The following DHX32 variants were observed in gnomAD, a reference collection of about 807,000 sequenced individuals.
DHX32 encodes putative pre-mRNA-splicing factor ATP-dependent RNA helicase DHX32.
DHX32 carries 51 observed loss-of-function variants against 70.0 expected under a neutral mutation model. That is an observed-to-expected ratio of 0.73 (90% CI 0.58 to 0.92). The LOEUF is 0.92. DHX32 is among the 40% of genes least tolerant of loss of function. The pLI, the probability that DHX32 is intolerant of heterozygous loss-of-function variation, is 0.00. For missense variants in DHX32, 762 were observed against 891.8 expected (o/e 0.85, Z 1.85); for synonymous variants, 310 against 315.3 (o/e 0.98, Z 0.18).
chr10:125,848,498 T>G (rs1211007828), intron 6 of DHX32, among the ~76,000 whole-genome samples: 1 of 152,086 alleles, frequency 6.6e-6, no homozygotes. Flanking sequence ...ATATGTAAAG[T>G]GAGGTTTTGA....
chr10:125,838,874 T>C (rs549994294), intron 9 of DHX32, 127 bp downstream of exon 9: 15 of 1,134,804 alleles, frequency 1.3e-5, no homozygotes, highest in Non-Finnish European at 1.7e-5. Context: ...ACCAAATCTT[T>C]AATAATAACA....
chr10:125,849,253 A>G (rs1397770856), intron 6 of DHX32, among the ~76,000 whole-genome samples: 1 of 152,234 alleles, frequency 6.6e-6, no homozygotes. Context: ...TTCCGCCTGC[A>G]CTGTTGCACG....
At chr10:125,838,522 A>G (rs1295412749) in intron 9 of DHX32, 135 bp from the exon 10 acceptor site, 12 of 834,406 alleles carry the variant, frequency 1.4e-5, no homozygotes, top group Non-Finnish European at 2.1e-5. Context: ...CATGTTTCCT[A>G]CTTTCACATG....
chr10:125,836,727 T>G lies in DHX32; in HGVS notation c.2192A>C (p.Glu731Ala), dbSNP rs1305856161. 3 of 1,614,106 alleles carry G rather than the reference T, an allele frequency of 1.9e-6. No individual in the cohort carries two copies. The African/African-American group carries it at 4.0e-5, about 22-fold the overall frequency. ...STMNKEQQMC[E>A]TCPETEQRCT... ...TCTCTGTTCAGTTTCAGGGCACGTC[T>G]CACACATTTGCTGTTCCTTATTCAT... Residue 731 changes from glutamate to alanine, a missense_variant, in exon 11 of 11, where the codon GAG (glutamate) becomes GCG (alanine). Glu to Ala is a moderately radical substitution (Grantham distance 107). Transcript: ENST00000284690.
rs1286408585 is a variant in DHX32 at position 125,838,391 on chromosome 10, A to C, written c.1882-4T>G. On this transcript the variant is annotated splice_polypyrimidine_tract_variant and splice_region_variant and intron_variant, in intron 9 of 10. Coordinates refer to ENST00000284690, the MANE Select transcript of DHX32 (RefSeq NM_018180.3). ...ATCCATCAACATCCCGAGCAATCTG[A>C]AAGGCAGAATTTTAAAGAAAAAAGA... 1 of 1,561,016 alleles carries C rather than the reference A, an allele frequency of 6.4e-7. No individual in the cohort carries two copies. Among genetic ancestry groups the C allele is most frequent in the Middle Eastern group, 1.7e-4 (1 of 5,846 alleles).
chr10:125,854,275 A>C, intron 3 of DHX32, 72 bp from the exon 4 acceptor site: 1 of 1,460,138 alleles, frequency 6.8e-7, no homozygotes, highest in Non-Finnish European at 9.0e-7. Flanking sequence ...TGTCTGAATT[A>C]CAAAAAATTT....
At chr10:125,849,831 C>T (rs978973763) in intron 6 of DHX32, among the ~76,000 whole-genome samples, 10 of 152,150 alleles carry the variant, frequency 6.6e-5, no homozygotes, top group African/African-American at 2.2e-4. Context: ...TACAAACAAG[C>T]GCATATACTT....
At chr10:125,855,202 CAG>C (rs969814674) in intron 3 of DHX32, among the ~76,000 whole-genome samples, 3 of 141,224 alleles carry the variant, frequency 2.1e-5, no homozygotes, top group Non-Finnish European at 4.6e-5. Flanking sequence ...AGCCTGGCAA[CAG>C]AGTGAGACTC....
At chr10:125,878,481 A>C (rs1177270965) in intron 1 of DHX32, among the ~76,000 whole-genome samples, 5 of 151,594 alleles carry the variant, frequency 3.3e-5, no homozygotes, top group East Asian at 2.0e-4. Flanking sequence ...ATTTAAGCCC[A>C]AAATTTAAAT....
At chr10:125,895,909 C>T (rs1452427458) in intron 1 of DHX32, among the ~76,000 whole-genome samples, 5 of 152,308 alleles carry the variant, frequency 3.3e-5, no homozygotes, top group Non-Finnish European at 7.3e-5. Flanking sequence ...CGCATTGCTC[C>T]ACGCTTCCCG....
rs776142986 is a variant in DHX32 at position 125,840,985 on chromosome 10, A to C, written c.1555T>G (p.Phe519Val). The change falls in exon 8 of 11, where the codon TTT becomes GTT. Residue 519 changes from phenylalanine to valine, a missense_variant. Phe to Val is a conservative substitution (Grantham distance 50, BLOSUM62 -1). Coordinates refer to ENST00000284690, the MANE Select transcript of DHX32 (RefSeq NM_018180.3). ...TCAGCTCCATGTGGCACATGTGAAA[A>C]GCAATTTGGAGCTTCAAAATGAAAA... ...IAAMVTAPNCFSHVPHGAEEA... is the reference protein window; with the variant it reads ...IAAMVTAPNCVSHVPHGAEEA... 1 of 1,596,250 alleles carries C rather than the reference A, an allele frequency of 6.3e-7. No homozygotes were observed. The highest frequency in any genetic ancestry group is 1.8e-5 in the Admixed American group (1 of 56,942).
intron 6 of DHX32, among the ~76,000 whole-genome samples, chr10:125,850,191 G>A (rs1241548285): frequency 2.0e-5 from 3 of 151,068 alleles, no homozygotes; most frequent in African/African-American, 7.3e-5. Context: ...TGCCCAGGCT[G>A]GTCTTGAATT....
intron 1 of DHX32, among the ~76,000 whole-genome samples, chr10:125,868,142 T>C (rs1352635742): frequency 1.3e-5 from 2 of 152,238 alleles, no homozygotes; most frequent in East Asian, 3.8e-4. Context: ...GCAAAGCTAC[T>C]CTAGAGCCAT....
intron 1 of DHX32, among the ~76,000 whole-genome samples, chr10:125,871,923 C>T (rs551034781): frequency 1.3e-5 from 2 of 148,570 alleles, no homozygotes; most frequent in African/African-American, 2.5e-5. Flanking sequence ...AGTGCAATGG[C>T]AGGATCTTGG....
In DHX32 at chr10:125,859,821, G is replaced by T. The variant is rs773742344; in HGVS notation, c.631C>A (p.Leu211Met). 6.2e-7 allele frequency: 1 copy of T among 1,614,096 alleles called. No homozygotes were observed. The highest frequency in any genetic ancestry group is 8.5e-7 in the Non-Finnish European group (1 of 1,180,022). ...LKDVLLARPE[L>M]KLIINSSPHL... ...GGTGAGGAGTTAATTATGAGCTTCA[G>T]TTCTGGTCTTGCTAGTAAAACATCT... Residue 211 changes from leucine to methionine, a missense_variant, in exon 3 of 11, where the codon CTG becomes ATG. Transcript: ENST00000284690.
upstream of DHX32, among the ~76,000 whole-genome samples, chr10:125,885,753 T>C (rs1944337643): frequency 6.6e-6 from 1 of 152,200 alleles, no homozygotes; most frequent in Non-Finnish European, 1.5e-5. Context: ...TATTCAATCA[T>C]GTCAGTTCTG....
At position 125,836,797 on chromosome 10, in the gene DHX32, C is replaced by T; in HGVS notation, c.2122G>A (p.Asp708Asn). ...TGATCCACTACTTGCTGTAGAATGTCCTTACTTTCACTAGGAGGCAGATTA... is the reference window on the plus strand; with the variant it reads ...TGATCCACTACTTGCTGTAGAATGTTCTTACTTTCACTAGGAGGCAGATTA... The part of the protein sequence containing the change: ...FSNLPPSESK[D>N]ILQQVVDHLS... The change falls in exon 11 of 11, where the codon GAC (aspartate) becomes AAC (asparagine). Residue 708 changes from aspartate (D) to asparagine (N), a missense_variant. Asp to Asn is a conservative substitution (Grantham distance 23). Coordinates refer to ENST00000284690, the MANE Select transcript of DHX32 (RefSeq NM_018180.3). 3 of 1,614,124 alleles carry T rather than the reference C, an allele frequency of 1.9e-6. No homozygotes were observed. The highest frequency in any genetic ancestry group is 2.5e-6 in the Non-Finnish European group (3 of 1,180,014).
intron 4 of DHX32, chr10:125,853,328 T>G: frequency 1.3e-6 from 1 of 760,552 alleles, no homozygotes; most frequent in Non-Finnish European, 1.9e-6. Flanking sequence ...AGTCAATATT[T>G]GTTAGTTTCG....
chr10:125,849,293 A>G (rs2134039580), intron 6 of DHX32, among the ~76,000 whole-genome samples: 1 of 152,342 alleles, frequency 6.6e-6, no homozygotes, highest in South Asian at 2.1e-4. Flanking sequence ...ATGATAAGCC[A>G]TATAGTTCCC....
Sources: allele counts gnomAD v4.1 joint callset (sites outside exome capture counted in the v4.1 genomes callset), GRCh38; gene constraint gnomAD v4.1.1; transcripts MANE v1.5; gene names NCBI Gene and HGNC (gene_info 2026-07-23, HGNC 2026-07-21).